Variants in ADAMTS20 observed in about 807,000 individuals in gnomAD.
ADAMTS20 encodes ADAM metallopeptidase with thrombospondin type 1 motif 20.
ADAMTS20 carries 225 observed loss-of-function variants against 260.1 expected under a neutral mutation model. That is an observed-to-expected ratio of 0.87 (90% CI 0.78 to 0.97). The LOEUF is 0.97. Ranked by LOEUF, ADAMTS20 falls within the 50% of genes least tolerant of loss-of-function variation. The pLI, the probability that ADAMTS20 is intolerant of heterozygous loss-of-function variation, is 0.00. For synonymous variants in ADAMTS20, 802 were observed against 769.5 expected, an observed-to-expected ratio of 1.04 and a Z score of -0.70; for missense variants, 2,400 against 2,337.7, an observed-to-expected ratio of 1.03 and a Z score of -0.55.
Position 43,420,911 on chromosome 12 carries a change from G to A in ADAMTS20, c.4284+4603C>T, listed in dbSNP as rs990696670. On this transcript the variant is annotated intron_variant, in intron 28 of 38. Transcript: ENST00000389420. Reference sequence around the variant, plus strand: ...CAACTTCCACCTCCCAGGTTCAAGCGATTCTTCTGCCTCAGCCTCCAGAGT... The same window carrying A: ...CAACTTCCACCTCCCAGGTTCAAGCAATTCTTCTGCCTCAGCCTCCAGAGT... Among the ~76,000 whole-genome samples the A allele has an allele frequency of 2.1e-5, 3 of 145,948 alleles. No homozygotes were observed. The Admixed American group carries it at 2.1e-4, about 10-fold the overall frequency.
At chr12:43,372,903 C>A (rs1025390204) in intron 36 of ADAMTS20, among the ~76,000 whole-genome samples, 14 of 152,116 alleles carry the variant, frequency 9.2e-5, no homozygotes, top group Non-Finnish European at 1.8e-4. Flanking sequence ...AGATCACCAG[C>A]AGTGAGTTAG....
In ADAMTS20 at chr12:43,445,694, A is replaced by ACACACC. The variant is rs1282113671; in HGVS notation, c.2197+900_2197+901insGGTGTG. Among the ~76,000 whole-genome samples the ACACACC allele has an allele frequency of 8.6e-5, 13 of 151,916 alleles. No homozygotes were observed. The East Asian group carries it at 2.5e-3, about 29-fold the overall frequency. Reference sequence around the variant, plus strand: ...CCCATCTCTACACACACACACACACACACACAAATTAGATGGGCATGGTGG... The same window carrying ACACACC: ...CCCATCTCTACACACACACACACACACACACCCACACAAATTAGATGGGCATGGTGG... On this transcript the variant is annotated intron_variant, in intron 15 of 38. Coordinates refer to ENST00000389420, the MANE Select transcript of ADAMTS20 (RefSeq NM_025003.5).
At chr12:43,460,988 A>ATATATATATTTTTTTTTT in intron 11 of ADAMTS20, among the ~76,000 whole-genome samples, 2 of 26,392 alleles carry the variant, frequency 7.6e-5, no homozygotes, top group Non-Finnish European at 1.3e-4. Context: ...ATATATATAT[A>ATATATATATTTTTTTTTT]TTTTTTTTTT....
Position 43,516,037 on chromosome 12 carries a change from A to ACCCCACCG in ADAMTS20, c.614-13640_614-13633dup, listed in dbSNP as rs1942995514. Among the ~76,000 whole-genome samples, 3 of 149,808 alleles carry ACCCCACCG rather than the reference A, an allele frequency of 2.0e-5. No individual in the cohort carries two copies. In the South Asian group the frequency reaches 6.4e-4, roughly 32 times the overall value. On this transcript the variant is annotated intron_variant, in intron 3 of 38. Coordinates refer to ENST00000389420, the MANE Select transcript of ADAMTS20 (RefSeq NM_025003.5). ...AGAGTGGGTAGGGAGCATCTCCCCC[A>ACCCCACCG]CCCCACCGCCCCACCGCCTTCAGTT... is the stretch of plus-strand genomic sequence containing the variant.
chr12:43,377,493 T>C lies in ADAMTS20; in HGVS notation c.4867A>G (p.Lys1623Glu). ...TYCTEIPSTKKHKLHRLRPIV... is the reference protein window; with the variant it reads ...TYCTEIPSTKEHKLHRLRPIV... Reference sequence around the variant, plus strand: ...GGCCGAAGTCGATGGAGCTTATGTTTCTTAGTAGATGGGATCTCGGTGCAA... The same window carrying C: ...GGCCGAAGTCGATGGAGCTTATGTTCCTTAGTAGATGGGATCTCGGTGCAA... The change falls in exon 32 of 39, where the codon AAA (lysine) becomes GAA (glutamate). Residue 1623 changes from lysine to glutamate, a missense_variant. Physicochemically the swap from Lys to Glu is moderately conservative, Grantham distance 56. Coordinates refer to ENST00000389420, the MANE Select transcript of ADAMTS20 (RefSeq NM_025003.5). 6.2e-7 allele frequency: 1 copy of C among 1,613,750 alleles called. No individual in the cohort carries two copies. Among genetic ancestry groups the C allele is most frequent in the Non-Finnish European group, 8.5e-7 (1 of 1,179,732 alleles).
chr12:43,461,723 C>T (rs1942068664), intron 11 of ADAMTS20, among the ~76,000 whole-genome samples: 1 of 152,062 alleles, frequency 6.6e-6, no homozygotes, highest in African/African-American at 2.4e-5. Context: ...GGTAGTCACT[C>T]TCACAAATAC....
At chr12:43,406,653 C>T (rs1019719422) in intron 28 of ADAMTS20, among the ~76,000 whole-genome samples, 16 of 151,864 alleles carry the variant, frequency 1.1e-4, no homozygotes, top group East Asian at 3.8e-4. Context: ...TATATCTAAA[C>T]CCCAATAGTT....
rs1270136784 is a variant in ADAMTS20 at position 43,551,226 on chromosome 12, C to T, written c.136G>A (p.Glu46Lys). 2 of 1,613,670 alleles carry T rather than the reference C, an allele frequency of 1.2e-6. No homozygotes were observed. Among genetic ancestry groups the T allele is most frequent in the African/African-American group, 1.3e-5 (1 of 74,882 alleles). ...TLTSYEVVIP[E>K]RVNEFGEVFP... ...ACTTCTCCAAACTCATTGACCCGCT[C>T]GGGGATCACTACTTCGTAGGAGGTC... is the stretch of plus-strand genomic sequence containing the variant. The change falls in exon 2 of 39, where the codon GAG becomes AAG. Residue 46 changes from glutamate (E) to lysine (K), a missense_variant. Coordinates refer to ENST00000389420, the MANE Select transcript of ADAMTS20 (RefSeq NM_025003.5). The surrounding 1 kb of genome is among the most constrained non-coding windows in gnomAD (Gnocchi z 4.6).
At chr12:43,360,308 G>T (rs1196921118) in intron 37 of ADAMTS20, among the ~76,000 whole-genome samples, 10 of 152,104 alleles carry the variant, frequency 6.6e-5, no homozygotes, top group Non-Finnish European at 1.5e-4. Flanking sequence ...AATTAGCCGG[G>T]CGTGGTGGCA....
intron 34 of ADAMTS20, 34 bp downstream of exon 34, chr12:43,376,202 T>A: frequency 6.5e-7 from 1 of 1,540,192 alleles, no homozygotes; most frequent in Non-Finnish European, 8.8e-7. Context: ...CAATGATCAA[T>A]GTTAAAATAA....
chr12:43,529,246 T>C (rs886166402), intron 3 of ADAMTS20, among the ~76,000 whole-genome samples: 2 of 152,094 alleles, frequency 1.3e-5, no homozygotes, highest in Non-Finnish European at 2.9e-5. Flanking sequence ...TGTATGGAGA[T>C]TCCTTAAAGA....
At chr12:43,443,169 G>A (rs1941698792) in intron 16 of ADAMTS20, among the ~76,000 whole-genome samples, 1 of 152,120 alleles carries the variant, frequency 6.6e-6, no homozygotes, top group Non-Finnish European at 1.5e-5. Context: ...TATTTCACAG[G>A]CAGAAGGAAA....
intron 21 of ADAMTS20, 75 bp from the exon 22 acceptor site, chr12:43,431,571 AATTTGC>A: frequency 6.7e-7 from 1 of 1,498,862 alleles, no homozygotes; most frequent in Non-Finnish European, 9.2e-7. Context: ...TGCAATGATC[AATTTGC>A]ATATAGAAAT....
At chr12:43,361,476 T>G (rs1939866005) in intron 37 of ADAMTS20, among the ~76,000 whole-genome samples, 1 of 152,258 alleles carries the variant, frequency 6.6e-6, no homozygotes, top group African/African-American at 2.4e-5. Context: ...CAGAAATGCC[T>G]AGAAAACCAT....
chr12:43,468,845 T>A, intron 7 of ADAMTS20, 140 bp from the exon 8 acceptor site: 3 of 520,076 alleles, frequency 5.8e-6, no homozygotes, highest in Non-Finnish European at 1.0e-5. Context: ...GAATAAACGT[T>A]TTAAAAGGTG....
chr12:43,508,659 G>A (rs1291644293), intron 3 of ADAMTS20, among the ~76,000 whole-genome samples: 2 of 151,906 alleles, frequency 1.3e-5, no homozygotes, highest in African/African-American at 2.4e-5. Flanking sequence ...ATATTTATGG[G>A]GTACATGAGA....
intron 8 of ADAMTS20, 73 bp from the exon 9 acceptor site, chr12:43,466,868 T>C (rs555054020): frequency 6.2e-6 from 7 of 1,134,312 alleles, no homozygotes; most frequent in African/African-American, 1.6e-5. Context: ...TCCTTTATAG[T>C]CACATTATAA....
At chr12:43,356,257 T>C (rs575173517) in intron 38 of ADAMTS20, among the ~76,000 whole-genome samples, 1 of 152,330 alleles carries the variant, frequency 6.6e-6, no homozygotes, top group East Asian at 1.9e-4. Flanking sequence ...ATAGCCTATA[T>C]ATGGATTCAT....
intron 38 of ADAMTS20, among the ~76,000 whole-genome samples, chr12:43,355,911 T>C (rs949766123): frequency 6.6e-6 from 1 of 152,046 alleles, no homozygotes; most frequent in African/African-American, 2.4e-5. Flanking sequence ...CATAACAGTC[T>C]ACATTTTCAT....
Sources: allele counts gnomAD v4.1 joint callset (sites outside exome capture counted in the v4.1 genomes callset), GRCh38; gene constraint gnomAD v4.1.1; non-coding constraint Gnocchi (gnomAD v3.1); transcripts MANE v1.5; gene names NCBI Gene and HGNC (gene_info 2026-07-23, HGNC 2026-07-21).